DOCK2: variants seen among roughly 807,000 people sequenced by gnomAD.
DOCK2 encodes dedicator of cytokinesis 2.
DOCK2 carries 87 observed loss-of-function variants against 248.9 expected under a neutral mutation model. That is an observed-to-expected ratio of 0.35 (90% CI 0.29 to 0.42). The LOEUF is 0.42. Ranked by LOEUF, DOCK2 falls within the 10% of genes least tolerant of loss-of-function variation. DOCK2 has a pLI of 1.00. For missense variants in DOCK2, 1,747 were observed against 2,300.2 expected (o/e 0.76, Z 4.92); for synonymous variants, 805 against 821.6 (o/e 0.98, Z 0.35).
chr5:170,002,975 G>A (rs1360960170), intron 30 of DOCK2, among the ~76,000 whole-genome samples: 1 of 152,082 alleles, frequency 6.6e-6, no homozygotes, highest in Non-Finnish European at 1.5e-5. Context: ...CTGACAATAC[G>A]GCAATAGATA....
At chr5:169,944,258 G>A (rs1776360107) in intron 27 of DOCK2, among the ~76,000 whole-genome samples, 1 of 152,176 alleles carries the variant, frequency 6.6e-6, no homozygotes, top group Admixed American at 6.5e-5. Context: ...TCTATTTCCT[G>A]TGACCTGCCC....
At position 170,034,415 on chromosome 5, in the gene DOCK2, G is replaced by A. The variant is rs1581543762; in HGVS notation, c.3484G>A (p.Ala1162Thr). ...CTGCCGCAGCCTGATGGAATGTGCT[G>A]CAGAGCACCCAACCATTGCCAAGTC... ...LLESILMECA[A>T]EHPTIAKSVE... Residue 1162 changes from alanine (A) to threonine (T), a missense_variant, in exon 35 of 52, where the codon GCA becomes ACA. Ala to Thr is a moderately conservative substitution (Grantham distance 58). Around this residue, in one of 4 missense-constraint regions of DOCK2, gnomAD observed 858 missense variants for 1,183.5 expected, o/e 0.72. Coordinates refer to ENST00000520908, the MANE Select transcript of DOCK2 (RefSeq NM_004946.3). 6 of 1,614,068 alleles carry A rather than the reference G, an allele frequency of 3.7e-6. No individual in the cohort carries two copies. The highest frequency in any genetic ancestry group is 5.1e-6 in the Non-Finnish European group (6 of 1,179,994).
chr5:169,840,079 A>G (rs1202854025), intron 26 of DOCK2, among the ~76,000 whole-genome samples: 2 of 152,180 alleles, frequency 1.3e-5, no homozygotes. Flanking sequence ...AAAAGGTTTA[A>G]TTGGTTCCTG....
At chr5:170,075,164 AC>A (rs1204516940) in intron 46 of DOCK2, among the ~76,000 whole-genome samples, 2 of 152,038 alleles carry the variant, frequency 1.3e-5, no homozygotes, top group Non-Finnish European at 2.9e-5. Flanking sequence ...TTCATAATCT[AC>A]CCCTTTGCTC....
intron 27 of DOCK2, among the ~76,000 whole-genome samples, chr5:169,861,689 G>T (rs569840548): frequency 5.6e-4 from 86 of 152,262 alleles, no homozygotes; most frequent in Non-Finnish European, 1.1e-3. Flanking sequence ...ATGCAGTTTT[G>T]GTATATGTGT....
At chr5:169,978,502 G>A (rs767036501) in intron 27 of DOCK2, among the ~76,000 whole-genome samples, 8 of 151,720 alleles carry the variant, frequency 5.3e-5, no homozygotes, top group Non-Finnish European at 7.4e-5. Flanking sequence ...TGATGATGAT[G>A]ATGATGAATT....
intron 22 of DOCK2, among the ~76,000 whole-genome samples, chr5:169,735,114 CA>C (rs1476578636): frequency 2.0e-5 from 3 of 152,212 alleles, no homozygotes; most frequent in Non-Finnish European, 4.4e-5. Context: ...ACCCTACAGT[CA>C]GAGTGATCTT....
intron 9 of DOCK2, among the ~76,000 whole-genome samples, chr5:169,691,286 A>G (rs1330092587): frequency 6.6e-6 from 1 of 152,062 alleles, no homozygotes; most frequent in Non-Finnish European, 1.5e-5. Flanking sequence ...CCATGATCCA[A>G]TCACCTCCCA....
chr5:170,005,756 AAG>A lies in DOCK2; in HGVS notation c.3073-2739_3073-2738del. ...ATATCTCAGATTTTTTTTTAAAAAA[AAG>A]AAAATCAGGAATGGGATGACAGAGA... On this transcript the variant is annotated intron_variant, in intron 30 of 51. Transcript: ENST00000520908. Among the ~76,000 whole-genome samples, 3 of 152,250 alleles carry A rather than the reference AAG, an allele frequency of 2.0e-5. No homozygotes were observed. The Middle Eastern group carries it at 0.01, about 518-fold the overall frequency.
chr5:169,669,815 T>A (rs772595581), intron 3 of DOCK2, among the ~76,000 whole-genome samples: 11 of 152,188 alleles, frequency 7.2e-5, no homozygotes, highest in Non-Finnish European at 1.3e-4. Context: ...TCATTTTCTC[T>A]CACAGCACCT....
chr5:170,028,762 C>G (rs776017765), intron 34 of DOCK2, among the ~76,000 whole-genome samples: 12,442 of 151,656 alleles, frequency 0.082, 638 homozygotes, highest in Non-Finnish European at 0.12. Flanking sequence ...CACACACACA[C>G]ACACACGCGT....
At chr5:169,686,032 G>T (rs1422818659) in intron 8 of DOCK2, among the ~76,000 whole-genome samples, 2 of 152,198 alleles carry the variant, frequency 1.3e-5, no homozygotes, top group Non-Finnish European at 1.5e-5. Context: ...TAACCTCAAA[G>T]AGTCAGCCCA....
At chr5:169,747,830 A>C (rs1424551438) in intron 23 of DOCK2, among the ~76,000 whole-genome samples, 1 of 152,238 alleles carries the variant, frequency 6.6e-6, no homozygotes, top group Non-Finnish European at 1.5e-5. Context: ...TCTCGACAAC[A>C]TAAAGTCAGG....
At chr5:169,866,788 C>T (rs1771591209) in intron 27 of DOCK2, among the ~76,000 whole-genome samples, 1 of 152,172 alleles carries the variant, frequency 6.6e-6, no homozygotes, top group South Asian at 2.1e-4. Flanking sequence ...CATGTTTTTC[C>T]TCTGCTCTCA....
chr5:169,950,937 T>C (rs1006079002), intron 27 of DOCK2, among the ~76,000 whole-genome samples: 3 of 152,216 alleles, frequency 2.0e-5, no homozygotes, highest in Admixed American at 1.3e-4. Flanking sequence ...CTCAAAATTA[T>C]AAAATTAATT....
intron 27 of DOCK2, among the ~76,000 whole-genome samples, chr5:169,927,427 G>A (rs10214247): frequency 0.048 from 7,285 of 152,224 alleles, 461 homozygotes; most frequent in African/African-American, 0.14. Flanking sequence ...ATGTGGTGCC[G>A]ATGCTACTGG....
At chr5:169,891,120 G>A (rs1203417147) in intron 27 of DOCK2, among the ~76,000 whole-genome samples, 1 of 151,940 alleles carries the variant, frequency 6.6e-6, no homozygotes, top group Non-Finnish European at 1.5e-5. Flanking sequence ...TCTGTGACAT[G>A]GTCCCTGGCC....
chr5:169,639,958 C>T (rs1170564834), intron 1 of DOCK2, among the ~76,000 whole-genome samples: 1 of 152,196 alleles, frequency 6.6e-6, no homozygotes, highest in African/African-American at 2.4e-5. Context: ...ATCAAAGCAC[C>T]ACCAGGGTTG....
intron 36 of DOCK2, 145 bp downstream of exon 36, chr5:170,036,700 T>G: frequency 3.9e-6 from 3 of 770,882 alleles, no homozygotes; most frequent in Non-Finnish European, 6.0e-6. Context: ...CCTGTCAATT[T>G]CTCCAGATTC....
Sources: allele counts gnomAD v4.1 joint callset (sites outside exome capture counted in the v4.1 genomes callset), GRCh38; gene constraint gnomAD v4.1.1; regional missense constraint gnomAD v4.1.1; transcripts MANE v1.5; gene names NCBI Gene and HGNC (gene_info 2026-07-23, HGNC 2026-07-21).